ZNF76: variants seen among roughly 807,000 people sequenced by gnomAD.
ZNF76 encodes the protein zinc finger protein 523.
Under a neutral mutation model 66.9 loss-of-function variants are expected in ZNF76, and 66 were observed. The ratio of observed to expected loss-of-function variants is 0.99; its 90% confidence interval spans 0.81 to 1.21. The LOEUF (loss-of-function observed/expected upper bound fraction) is 1.21. Ranked by LOEUF, ZNF76 falls within the 50% of genes most tolerant of loss-of-function variation. ZNF76 has a pLI of 0.00. For synonymous variants in ZNF76, 275 were observed against 296.1 expected (o/e 0.93, Z 0.73); for missense variants, 729 against 760.3 (o/e 0.96, Z 0.48).
intron 2 of ZNF76, among the ~76,000 whole-genome samples, chr6:35,282,508 T>C (rs1346310702): frequency 6.6e-6 from 1 of 152,184 alleles, no homozygotes; most frequent in Non-Finnish European, 1.5e-5. Context: ...GGGCAAGGCC[T>C]GCAGGCCAGG....
chr6:35,290,410 C>T (rs1345969071), intron 6 of ZNF76, 28 bp downstream of exon 6: 4 of 1,610,660 alleles, frequency 2.5e-6, no homozygotes, highest in South Asian at 2.2e-5. Context: ...CAGCCGTCAG[C>T]TCTGCAGTCT....
chr6:35,277,736 C>T (rs2150355699), intron 1 of ZNF76, among the ~76,000 whole-genome samples: 1 of 152,354 alleles, frequency 6.6e-6, no homozygotes, highest in East Asian at 1.9e-4. Flanking sequence ...GCTGCCCTTG[C>T]ACCTTAGCCC....
In ZNF76 at chr6:35,259,802, A is replaced by C. The variant is rs536559198; in HGVS notation, c.-136A>C. The C allele has an allele frequency of 6.6e-6, 1 of 152,342 alleles. No individual in the cohort carries two copies. Among genetic ancestry groups the C allele is most frequent in the East Asian group, 2.0e-4 (1 of 5,086 alleles). The allele number at this position is 152,342 out of a possible 1,614,324, so 9.4% of individuals were successfully genotyped here. A position where few individuals can be genotyped will look rare whatever the true frequency, so the allele number is the denominator to read the frequency against. On this transcript the variant is annotated 5_prime_UTR_variant, in exon 1 of 14. The change abolishes an upstream ATG in the 5' untranslated region. Transcript: ENST00000373953. ...CGGCGCTGGTGGCGGGGCCCGGTGC[A>C]TGGCGGTCTGTCGGCGGAGTCGCCC... is the stretch of plus-strand genomic sequence containing the variant.
At position 35,295,521 on chromosome 6, in the gene ZNF76, G is replaced by A. The variant is rs907838435; in HGVS notation, c.*273G>A. On this transcript the variant is annotated 3_prime_UTR_variant, in exon 14 of 14. Transcript: ENST00000373953. ...ACCCGCCTCTCAAAATCAGCTGGGC[G>A]CCCACTCTCCTCCTAAAGAACACCC... 4 of 458,206 alleles carry A rather than the reference G, an allele frequency of 8.7e-6. No homozygotes were observed. The highest frequency in any genetic ancestry group is 8.1e-6 in the Non-Finnish European group (2 of 245,418). The allele number at this position is 458,206 out of a possible 1,614,324, so 28.4% of individuals were successfully genotyped here.
chr6:35,294,420 T>C (rs777610372), intron 12 of ZNF76, 36 bp from the exon 13 acceptor site: 45 of 1,384,576 alleles, frequency 3.3e-5, no homozygotes, highest in South Asian at 4.6e-5. Context: ...GAGAGTATAC[T>C]GCAGGTGGAA....
At position 35,281,119 on chromosome 6, in the gene ZNF76, CT is replaced by C. The variant is rs1788711646; in HGVS notation, c.-31del. ...GCTCTTGGTGCTGGCCAGAAGCCAA[CT>C]TCATGTCTGAGTGCACGAGCAGCAG... On this transcript the variant is annotated 5_prime_UTR_variant, in exon 2 of 14. Transcript: ENST00000373953. 1.2e-6 allele frequency: 2 copies of C among 1,612,408 alleles called. No homozygotes were observed. Among genetic ancestry groups the C allele is most frequent in the African/African-American group, 1.3e-5 (1 of 74,872 alleles).
chr6:35,272,513 A>G (rs974892736), intron 1 of ZNF76, among the ~76,000 whole-genome samples: 18 of 132,820 alleles, frequency 1.4e-4, no homozygotes, highest in East Asian at 9.9e-4. Context: ...GTGTGTGTGT[A>G]TGTATATGCA....
At position 35,290,262 on chromosome 6, in the gene ZNF76, C is replaced by G. The variant is rs187854965; in HGVS notation, c.433-4C>G. On this transcript the variant is annotated splice_polypyrimidine_tract_variant and splice_region_variant and intron_variant, in intron 5 of 13. Coordinates refer to ENST00000373953, the MANE Select transcript of ZNF76 (RefSeq NM_003427.5). ...ATATAGGGATCTCAAGACTTTTCCC[C>G]CAGGTTCTTCATGACAGCCAGATTC... 8.6e-3 allele frequency: 13,824 copies of G among 1,614,102 alleles called. 94 individuals carry two copies. Among genetic ancestry groups the G allele is most frequent in the Non-Finnish European group, 0.011 (12,723 of 1,179,992 alleles).
At chr6:35,294,040 G>A in intron 12 of ZNF76, 125 bp downstream of exon 12, 1 of 1,193,224 alleles carries the variant, frequency 8.4e-7, no homozygotes, top group Non-Finnish European at 1.2e-6. Context: ...CAAAAGAAGG[G>A]GTCTTCCCCA....
chr6:35,268,598 A>C (rs566346597), intron 1 of ZNF76, among the ~76,000 whole-genome samples: 26 of 152,126 alleles, frequency 1.7e-4, no homozygotes, highest in Non-Finnish European at 2.8e-4. Flanking sequence ...TCAGGAATTC[A>C]AGACCAGCCT....
chr6:35,280,381 A>G (rs1788581511), intron 1 of ZNF76, among the ~76,000 whole-genome samples: 1 of 152,168 alleles, frequency 6.6e-6, no homozygotes, highest in African/African-American at 2.4e-5. Flanking sequence ...AGAAAAGAAA[A>G]TGAATTGGAA....
chr6:35,291,114 G>T, intron 7 of ZNF76, 164 bp from the exon 8 acceptor site: 1 of 834,592 alleles, frequency 1.2e-6, no homozygotes, highest in Non-Finnish European at 1.8e-6. Context: ...AGGGAAGCAG[G>T]GCAGAGTGGG....
At chr6:35,291,204 T>A (rs534916115) in intron 7 of ZNF76, 74 bp from the exon 8 acceptor site, 1 of 1,540,516 alleles carries the variant, frequency 6.5e-7, no homozygotes, top group Non-Finnish European at 8.8e-7. Flanking sequence ...GGAGAGCCTG[T>A]GCATGAGGTG....
intron 1 of ZNF76, among the ~76,000 whole-genome samples, chr6:35,261,716 C>T (rs1469860550): frequency 6.6e-6 from 1 of 152,202 alleles, no homozygotes; most frequent in South Asian, 2.1e-4. Context: ...GTTCCTTGAT[C>T]CCTAAGGTTT....
chr6:35,264,121 T>TA (rs1322017773), intron 1 of ZNF76, among the ~76,000 whole-genome samples: 24 of 152,224 alleles, frequency 1.6e-4, no homozygotes, highest in African/African-American at 5.3e-4. Flanking sequence ...CCTGTTGGAT[T>TA]AAATTAACTC....
At position 35,271,906 on chromosome 6, in the gene ZNF76, A is replaced by C. The variant is rs9469978; in HGVS notation, c.-96-9150A>C. Among the ~76,000 whole-genome samples the C allele has an allele frequency of 2.0e-5, 3 of 152,032 alleles. No homozygotes were observed. In the East Asian group the frequency reaches 5.8e-4, roughly 29 times the overall value. On this transcript the variant is annotated intron_variant, in intron 1 of 13. Coordinates refer to ENST00000373953, the MANE Select transcript of ZNF76 (RefSeq NM_003427.5). ...GGAGATCAAGACCAGCCTGGGCAAC[A>C]TAATAAGACCTCATCTCTACAAAAA...
intron 1 of ZNF76, among the ~76,000 whole-genome samples, chr6:35,276,916 C>T (rs1202396322): frequency 2.0e-5 from 3 of 150,760 alleles, no homozygotes; most frequent in African/African-American, 7.3e-5. Context: ...CCTGCCTCAG[C>T]CTCCCAAGTA....
At chr6:35,291,131 C>A in intron 7 of ZNF76, 147 bp from the exon 8 acceptor site, 1 of 1,103,626 alleles carries the variant, frequency 9.1e-7, no homozygotes, top group Non-Finnish European at 1.3e-6. Context: ...TGGGCTTTTC[C>A]AGCCCCTGCC....
At chr6:35,260,895 T>C (rs1226850118) in intron 1 of ZNF76, among the ~76,000 whole-genome samples, 2 of 152,220 alleles carry the variant, frequency 1.3e-5, no homozygotes, top group Non-Finnish European at 2.9e-5. Context: ...GCTTGCATCA[T>C]GAACCTTACT....
Sources: allele counts gnomAD v4.1 joint callset (sites outside exome capture counted in the v4.1 genomes callset), GRCh38; gene constraint gnomAD v4.1.1; transcripts MANE v1.5; gene names NCBI Gene and HGNC (gene_info 2026-07-23, HGNC 2026-07-21).